RNF115: variants seen among roughly 807,000 people sequenced by gnomAD.
RNF115 encodes ring finger protein 115, also known as E3 ubiquitin-protein ligase RNF115.
In RNF115, 31 loss-of-function variants were observed where a neutral mutation model predicts 39.2. The observed-to-expected ratio is 0.79, with a 90% CI of 0.59 to 1.07. The LOEUF (loss-of-function observed/expected upper bound fraction) is 1.07, where lower values mean the gene tolerates loss of function less well. Among genes scored for constraint, RNF115 ranks in the 50% least tolerant of loss-of-function variants. The pLI, the probability that RNF115 is intolerant of heterozygous loss-of-function variation, is 0.00. For missense variants in RNF115, 384 were observed against 381.7 expected (o/e 1.01, Z -0.05); for synonymous variants, 124 against 131.0 (o/e 0.95, Z 0.37).
chr1:145,783,124 A>G (rs1648222690), intron 3 of RNF115, among the ~76,000 whole-genome samples: 1 of 152,196 alleles, frequency 6.6e-6, no homozygotes, highest in South Asian at 2.1e-4. Flanking sequence ...CGGCCTCCCA[A>G]AGTGTTGCGA....
intron 1 of RNF115, among the ~76,000 whole-genome samples, chr1:145,820,607 G>A (rs1185554510): frequency 4.6e-5 from 7 of 152,064 alleles, no homozygotes; most frequent in African/African-American, 1.4e-4. Context: ...ATGGTGGCAC[G>A]TGCCTGTAGT....
intron 2 of RNF115, among the ~76,000 whole-genome samples, chr1:145,788,289 C>T (rs1648485044): frequency 6.6e-6 from 1 of 152,104 alleles, no homozygotes; most frequent in African/African-American, 2.4e-5. Context: ...ACCATGTTGA[C>T]CACGCTGGTC....
At chr1:145,782,440 G>A (rs1026368028) in intron 3 of RNF115, among the ~76,000 whole-genome samples, 3 of 151,976 alleles carry the variant, frequency 2.0e-5, no homozygotes, top group Non-Finnish European at 4.4e-5. Context: ...TGGGCAATAA[G>A]GCCCCATCTC....
At chr1:145,753,718 A>C (rs1398637401) in intron 4 of RNF115, among the ~76,000 whole-genome samples, 1 of 152,090 alleles carries the variant, frequency 6.6e-6, no homozygotes, top group African/African-American at 2.4e-5. Context: ...GATGATATGC[A>C]ATTTTTTTTC....
intron 3 of RNF115, among the ~76,000 whole-genome samples, chr1:145,776,515 C>CA: frequency 6.6e-6 from 1 of 152,104 alleles, no homozygotes; most frequent in South Asian, 2.1e-4. Flanking sequence ...AGCTGAAGAA[C>CA]AAAGAGTAAT....
At chr1:145,764,149 C>T (rs1402256026) in intron 4 of RNF115, among the ~76,000 whole-genome samples, 2 of 152,204 alleles carry the variant, frequency 1.3e-5, no homozygotes, top group East Asian at 3.9e-4. Context: ...CTCCTAACCG[C>T]GAGTGATCCG....
chr1:145,784,211 C>T (rs1648274522), intron 3 of RNF115, among the ~76,000 whole-genome samples: 1 of 152,194 alleles, frequency 6.6e-6, no homozygotes, highest in South Asian at 2.1e-4. Flanking sequence ...GAGTCTGCAA[C>T]ACTGTTATTT....
At chr1:145,814,944 C>A (rs1649915968) in intron 1 of RNF115, among the ~76,000 whole-genome samples, 1 of 43,578 alleles carries the variant, frequency 2.3e-5, no homozygotes, top group African/African-American at 9.5e-5. Flanking sequence ...AATATAATTA[C>A]TGGGTGTTCA....
chr1:145,812,228 T>C (rs1473481020), intron 1 of RNF115, among the ~76,000 whole-genome samples: 14 of 149,630 alleles, frequency 9.4e-5, no homozygotes, highest in Non-Finnish European at 1.6e-4. Context: ...AAAAGTCTAT[T>C]CAAATCTGTA....
intron 1 of RNF115, among the ~76,000 whole-genome samples, chr1:145,799,872 G>C (rs1649151428): frequency 6.6e-6 from 1 of 151,892 alleles, no homozygotes; most frequent in Non-Finnish European, 1.5e-5. Context: ...GGAATTACAG[G>C]CATAAGCCAA....
At chr1:145,807,686 A>G (rs767565672) in intron 1 of RNF115, among the ~76,000 whole-genome samples, 1 of 152,176 alleles carries the variant, frequency 6.6e-6, no homozygotes, top group African/African-American at 2.4e-5. Context: ...TGTGCTGGGA[A>G]TATCTGAAAT....
chr1:145,748,883 C>CAA (rs34432746), intron 7 of RNF115, among the ~76,000 whole-genome samples: 163 of 136,398 alleles, frequency 1.2e-3, no homozygotes, highest in Middle Eastern at 3.8e-3. Context: ...GACTCTGTCT[C>CAA]AAAAAAAAAA....
intron 1 of RNF115, among the ~76,000 whole-genome samples, chr1:145,810,079 TAAGC>T (rs1412382236): frequency 4.8e-5 from 4 of 83,026 alleles, no homozygotes; most frequent in Admixed American, 4.7e-4. Flanking sequence ...TAGTGAATAA[TAAGC>T]AAGAAAAAAA....
At chr1:145,761,746 CG>C (rs782195087) in intron 4 of RNF115, among the ~76,000 whole-genome samples, 11 of 152,204 alleles carry the variant, frequency 7.2e-5, no homozygotes, top group Non-Finnish European at 1.6e-4. Context: ...AACTGCCTAG[CG>C]GATCTGTGAG....
At position 145,819,768 on chromosome 1, in the gene RNF115, T is replaced by C. The variant is rs1313900299; in HGVS notation, c.102+4004A>G. Among the ~76,000 whole-genome samples, 54 of 152,310 alleles carry C rather than the reference T, an allele frequency of 3.5e-4. 1 individual carries two copies. Among genetic ancestry groups the C allele is most frequent in the Middle Eastern group, 3.4e-3 (1 of 294 alleles). On this transcript the variant is annotated intron_variant, in intron 1 of 8. Transcript: ENST00000582693. ...AAAAAGCTAATGCAGGCCAGTGTGG[T>C]GGCTCACACCTGTAATCTCAGCACT... is the stretch of plus-strand genomic sequence containing the variant.
intron 2 of RNF115, chr1:145,787,196 A>C (rs1648421643): frequency 4.7e-6 from 2 of 425,246 alleles, no homozygotes; most frequent in Admixed American, 3.0e-5. Context: ...CGAATGTTTA[A>C]CCAAATAGCC....
rs1169936278 is a variant in RNF115, at chr1:145,739,494, T to G, written c.*7372A>C. The G allele has an allele frequency of 6.6e-6, 1 of 152,080 alleles. No homozygotes were observed. Among genetic ancestry groups the G allele is most frequent in the Non-Finnish European group, 1.5e-5 (1 of 68,028 alleles). 9.4% of individuals were successfully genotyped at this position (152,080 alleles called of 1,614,324 possible). On this transcript the variant is annotated 3_prime_UTR_variant, in exon 9 of 9. Transcript: ENST00000582693. ...GATTTTAGACTGTATCCCATGGAGA[T>G]AAAAGGACTAGCCATGGAGGCAAAA... is the stretch of plus-strand genomic sequence containing the variant.
chr1:145,747,802 C>G (rs1657929743), intron 8 of RNF115, among the ~76,000 whole-genome samples, 193 bp downstream of exon 8: 2 of 152,162 alleles, frequency 1.3e-5, no homozygotes. Flanking sequence ...TTTACAATAA[C>G]AGGTGGCAGG....
intron 3 of RNF115, among the ~76,000 whole-genome samples, chr1:145,781,077 T>G (rs929771930): frequency 9.2e-5 from 14 of 152,154 alleles, no homozygotes; most frequent in Non-Finnish European, 1.5e-4. Flanking sequence ...ATTCAAACAC[T>G]GCTCCCATGT....
Sources: allele counts gnomAD v4.1 joint callset (sites outside exome capture counted in the v4.1 genomes callset), GRCh38; gene constraint gnomAD v4.1.1; transcripts MANE v1.5; gene names NCBI Gene and HGNC (gene_info 2026-07-23, HGNC 2026-07-21).